APBA2: variants seen among roughly 807,000 people sequenced by gnomAD.
APBA2 encodes amyloid-beta A4 precursor protein-binding family A member 2.
A neutral mutation model predicts 75.0 loss-of-function variants in APBA2; 30 were observed. The ratio of observed to expected loss-of-function variants is 0.40; its 90% CI spans 0.30 to 0.54. The LOEUF (loss-of-function observed/expected upper bound fraction) is 0.54. Ranked by LOEUF, APBA2 falls within the 20% of genes least tolerant of loss-of-function variation. The probability of loss-of-function intolerance (pLI) is 0.49; values close to 1 mark genes in which losing one functional copy is unlikely to be tolerated. For synonymous variants in APBA2, 444 were observed against 409.6 expected, an observed-to-expected ratio of 1.08 and a Z score of -1.01; for missense variants, 801 against 1,016.1, an observed-to-expected ratio of 0.79 and a Z score of 2.88.
At chr15:29,094,180 C>A in intron 7 of APBA2, 98 bp from the exon 8 acceptor site, 4 of 1,333,410 alleles carry the variant, frequency 3.0e-6, no homozygotes, top group Non-Finnish European at 4.3e-6. Flanking sequence ...AGGCACCAGA[C>A]CTGAGAGTGG....
At chr15:29,112,222 G>A (rs2044772106) in intron 13 of APBA2, among the ~76,000 whole-genome samples, 1 of 152,218 alleles carries the variant, frequency 6.6e-6, no homozygotes, top group South Asian at 2.1e-4. Context: ...CCATGTGCCT[G>A]GCCACCTGGG....
chr15:28,998,590 C>T (rs974473656), intron 3 of APBA2, among the ~76,000 whole-genome samples: 1 of 152,010 alleles, frequency 6.6e-6, no homozygotes, highest in Non-Finnish European at 1.5e-5. Flanking sequence ...GCCATGAGAC[C>T]CCCAAGCAGT....
At chr15:28,980,657 G>T (rs764860725) in intron 2 of APBA2, among the ~76,000 whole-genome samples, 5 of 152,122 alleles carry the variant, frequency 3.3e-5, no homozygotes, top group Admixed American at 2.6e-4. Flanking sequence ...CTATCAAACT[G>T]CCAAGGCCAT....
chr15:29,050,852 C>T (rs1181316339), intron 3 of APBA2, among the ~76,000 whole-genome samples: 4 of 152,196 alleles, frequency 2.6e-5, no homozygotes, highest in East Asian at 3.8e-4. Context: ...ATACCTTCAA[C>T]GTGCACAGCT....
At chr15:28,989,582 TTCC>T (rs1305524968) in intron 2 of APBA2, among the ~76,000 whole-genome samples, 4 of 152,308 alleles carry the variant, frequency 2.6e-5, no homozygotes, top group Middle Eastern at 3.4e-3. Flanking sequence ...GTGGCCCTGC[TTCC>T]ATCCCTGAGC....
At chr15:29,058,781 A>C (rs2042011841) in intron 4 of APBA2, among the ~76,000 whole-genome samples, 1 of 152,150 alleles carries the variant, frequency 6.6e-6, no homozygotes, top group South Asian at 2.1e-4. Flanking sequence ...TAAAATAAAA[A>C]AAGGTTATTT....
At chr15:28,987,995 G>T (rs536601380) in intron 2 of APBA2, among the ~76,000 whole-genome samples, 1 of 151,662 alleles carries the variant, frequency 6.6e-6, no homozygotes, top group Admixed American at 6.6e-5. Context: ...GACCTCAAGT[G>T]GTCTGCCCGC....
intron 3 of APBA2, among the ~76,000 whole-genome samples, chr15:29,036,510 G>A (rs946478264): frequency 1.3e-5 from 2 of 152,108 alleles, no homozygotes; most frequent in African/African-American, 4.8e-5. Flanking sequence ...GTCGGGTGGT[G>A]GGTGAAGCTG....
chr15:28,998,830 A>G (rs977587663), intron 3 of APBA2, among the ~76,000 whole-genome samples: 1 of 152,220 alleles, frequency 6.6e-6, no homozygotes, highest in Non-Finnish European at 1.5e-5. Flanking sequence ...CTCACAGCAC[A>G]TGTACCAGTA....
intron 6 of APBA2, among the ~76,000 whole-genome samples, chr15:29,081,980 C>T (rs1450117055): frequency 7.2e-5 from 11 of 152,192 alleles, no homozygotes; most frequent in Admixed American, 5.2e-4. Flanking sequence ...GGACAGCGTA[C>T]GCTGCTGTTG....
Position 29,093,215 on chromosome 15 carries a change from G to T in APBA2, c.1210G>T (p.Val404Phe). ...GCAAGCGCAGGAGGCCGTCAGCCGGGTCAAGGTAGAGGTGCTTCGAGGGCC... is the reference window on the plus strand; with the variant it reads ...GCAAGCGCAGGAGGCCGTCAGCCGGTTCAAGGTAGAGGTGCTTCGAGGGCC... ...MMQAQEAVSR[V>F]KRMQKAAKIK... The change falls in exon 7 of 15, where the codon GTC (valine) becomes TTC (phenylalanine). Residue 404 changes from valine to phenylalanine, a missense_variant. By Grantham distance (50) the Val-to-Phe change is conservative (BLOSUM62 -1). Around this residue, in one of 2 missense-constraint regions of APBA2, gnomAD observed 367 missense variants for 544.5 expected, o/e 0.67. Transcript: ENST00000683413. 1.2e-6 allele frequency: 2 copies of T among 1,614,228 alleles called. No individual in the cohort carries two copies. The highest frequency in any genetic ancestry group is 1.7e-6 in the Non-Finnish European group (2 of 1,180,052).
At chr15:29,045,813 T>C (rs555916516) in intron 3 of APBA2, among the ~76,000 whole-genome samples, 1 of 152,166 alleles carries the variant, frequency 6.6e-6, no homozygotes, top group African/African-American at 2.4e-5. Context: ...CAAAACAGAT[T>C]GTAGTCCTTG....
At chr15:28,999,156 GAA>G (rs752977003) in intron 3 of APBA2, among the ~76,000 whole-genome samples, 1 of 124,522 alleles carries the variant, frequency 8.0e-6, no homozygotes. Context: ...CAAAAAAAAA[GAA>G]AAAAAAAAAG....
Position 28,946,518 on chromosome 15 carries a change from C to T in APBA2, c.-95+24769C>T, listed in dbSNP as rs377693001. ...AGCCTCCGTAAAGAACCAGGCCAGT[C>T]GACACCATGACCTTAGCCCAAGGAG... is the stretch of plus-strand genomic sequence containing the variant. On this transcript the variant is annotated intron_variant, in intron 2 of 14. Coordinates refer to ENST00000683413, the MANE Select transcript of APBA2 (RefSeq NM_001353788.2). Among the ~76,000 whole-genome samples the T allele has an allele frequency of 6.6e-5, 10 of 152,282 alleles. No homozygotes were observed. The East Asian group carries it at 1.7e-3, about 26-fold the overall frequency.
At chr15:28,890,539 CCTGA>C (rs1477058993) in intron 1 of APBA2, among the ~76,000 whole-genome samples, 1 of 152,206 alleles carries the variant, frequency 6.6e-6, no homozygotes, top group Non-Finnish European at 1.5e-5. Flanking sequence ...CCTCCGCCTG[CCTGA>C]CTGTCTCTTG....
Position 28,962,557 on chromosome 15 carries a change from C to T in APBA2, c.-94-33196C>T, listed in dbSNP as rs1221859036. ...GCACTCCAGCCTGGCGACAGTGAGA[C>T]TCCGTCTCAAAAAATAATAATAATA... On this transcript the variant is annotated intron_variant, in intron 2 of 14. Coordinates refer to ENST00000683413, the MANE Select transcript of APBA2 (RefSeq NM_001353788.2). 2.7e-5 allele frequency among the ~76,000 whole-genome samples: 4 copies of T among 150,772 alleles called. No individual in the cohort carries two copies. The East Asian group carries it at 7.7e-4, about 29-fold the overall frequency.
chr15:28,923,877 C>T (rs934038084), intron 2 of APBA2, among the ~76,000 whole-genome samples: 1 of 152,220 alleles, frequency 6.6e-6, no homozygotes, highest in Non-Finnish European at 1.5e-5. Context: ...CCTCCACCGC[C>T]CCCCCGGGGC....
chr15:28,977,555 C>T (rs1310887414), intron 2 of APBA2: 1 of 152,138 alleles, frequency 6.6e-6, no homozygotes, highest in Non-Finnish European at 1.5e-5. Flanking sequence ...GGCTGTGATT[C>T]AGCCCCATGC....
intron 6 of APBA2, among the ~76,000 whole-genome samples, chr15:29,083,822 C>T (rs986151807): frequency 2.0e-5 from 3 of 152,122 alleles, no homozygotes; most frequent in African/African-American, 4.8e-5. Context: ...TGAGCCACCG[C>T]GCCCGGCCCA....
Sources: allele counts gnomAD v4.1 joint callset (sites outside exome capture counted in the v4.1 genomes callset), GRCh38; gene constraint gnomAD v4.1.1; regional missense constraint gnomAD v4.1.1; transcripts MANE v1.5; gene names NCBI Gene and HGNC (gene_info 2026-07-23, HGNC 2026-07-21).